PAX3: variants seen among roughly 807,000 people sequenced by gnomAD.
PAX3 encodes the protein paired box 3, also known as paired box protein Pax-3.
PAX3 carries 14 observed loss-of-function variants against 51.6 expected under a neutral mutation model. The ratio of observed to expected loss-of-function variants is 0.27; its 90% CI spans 0.18 to 0.42. The LOEUF is 0.42. PAX3 is among the 10% of genes least tolerant of loss of function. The pLI is 1.00. For synonymous variants in PAX3, 280 were observed against 253.4 expected (o/e 1.11, Z -1.00); for missense variants, 540 against 642.8 (o/e 0.84, Z 1.73).
At chr2:222,296,525 C>T (rs1400581847) in intron 2 of PAX3, among the ~76,000 whole-genome samples, 1 of 152,052 alleles carries the variant, frequency 6.6e-6, no homozygotes, top group Non-Finnish European at 1.5e-5. Context: ...AAACAATTTG[C>T]ACTGGGGGAG....
chr2:222,239,995 C>G (rs1692948556), intron 4 of PAX3, among the ~76,000 whole-genome samples: 1 of 152,174 alleles, frequency 6.6e-6, no homozygotes, highest in African/African-American at 2.4e-5. Context: ...CCCCTCCCTT[C>G]TGACCCAAGC....
intron 4 of PAX3, among the ~76,000 whole-genome samples, chr2:222,241,279 G>A (rs1693006595): frequency 6.6e-6 from 1 of 152,158 alleles, no homozygotes; most frequent in Admixed American, 6.5e-5. Context: ...GACCATATGT[G>A]CCACAATTGC....
intron 4 of PAX3, among the ~76,000 whole-genome samples, chr2:222,252,209 G>A (rs1427918744): frequency 6.6e-6 from 1 of 152,188 alleles, no homozygotes; most frequent in Admixed American, 6.5e-5. Context: ...GCAGAGCTGA[G>A]TAGTGTTAAC....
chr2:222,258,419 T>C (rs956696569), intron 4 of PAX3, among the ~76,000 whole-genome samples: 1 of 149,344 alleles, frequency 6.7e-6, no homozygotes, highest in Non-Finnish European at 1.5e-5. Flanking sequence ...GTAAACCTAA[T>C]AGGGTAATTT....
intron 7 of PAX3, among the ~76,000 whole-genome samples, chr2:222,209,890 C>CA (rs1487815175): frequency 5.3e-5 from 8 of 151,624 alleles, no homozygotes; most frequent in African/African-American, 1.2e-4. Context: ...CTCTCTGTCT[C>CA]AAAAAAAATT....
chr2:222,298,706 A>G lies in PAX3; in HGVS notation c.-91T>C, dbSNP rs1192421895. ...CGGATGACCCTCGGGAACTATCCGG[A>G]GCGTGGAGAGCCCCTCCCCAAAACG... On this transcript the variant is annotated 5_prime_UTR_variant, in exon 1 of 9. Transcript: ENST00000392070. 5.6e-6 allele frequency: 7 copies of G among 1,251,316 alleles called. No homozygotes were observed. Among genetic ancestry groups the G allele is most frequent in the African/African-American group, 1.5e-5 (1 of 67,194 alleles). The allele number at this position is 1,251,316 out of a possible 1,614,324, so 77.5% of individuals were successfully genotyped here.
chr2:222,284,513 C>A (rs1273225456), intron 4 of PAX3, among the ~76,000 whole-genome samples: 1 of 152,002 alleles, frequency 6.6e-6, no homozygotes, highest in Non-Finnish European at 1.5e-5. Context: ...TTTTTTATAC[C>A]CATTAAATCG....
chr2:222,215,324 A>G (rs2106060628), intron 7 of PAX3, among the ~76,000 whole-genome samples: 1 of 152,282 alleles, frequency 6.6e-6, no homozygotes, highest in Admixed American at 6.5e-5. Flanking sequence ...TTGAAGAATC[A>G]TTTGCAATGG....
intron 4 of PAX3, among the ~76,000 whole-genome samples, chr2:222,283,725 C>A (rs984697206): frequency 2.6e-5 from 4 of 152,194 alleles, no homozygotes; most frequent in Admixed American, 1.3e-4. Flanking sequence ...CACTGGGGGC[C>A]CGGCTGGCCA....
intron 4 of PAX3, among the ~76,000 whole-genome samples, chr2:222,254,531 C>A (rs1693563172): frequency 1.3e-5 from 2 of 152,216 alleles, no homozygotes; most frequent in Admixed American, 1.3e-4. Flanking sequence ...AGGCATCTGG[C>A]AGACCCATCT....
At chr2:222,231,653 G>C (rs974018418) in intron 5 of PAX3, among the ~76,000 whole-genome samples, 1 of 152,188 alleles carries the variant, frequency 6.6e-6, no homozygotes, top group African/African-American at 2.4e-5. Context: ...TACTTATATA[G>C]TCCAAGTCTC....
intron 4 of PAX3, among the ~76,000 whole-genome samples, chr2:222,281,253 G>A (rs1694635752): frequency 6.6e-6 from 1 of 152,202 alleles, no homozygotes; most frequent in African/African-American, 2.4e-5. Context: ...GTCTCAGAGG[G>A]TGTTTTAGAT....
intron 1 of PAX3, 165 bp downstream of exon 1, chr2:222,298,366 G>C: frequency 1.6e-6 from 1 of 629,380 alleles, no homozygotes; most frequent in Non-Finnish European, 2.8e-6. Flanking sequence ...TTGCAGAAAG[G>C]AAATCGAGTA....
At chr2:222,272,765 T>C (rs1267704376) in intron 4 of PAX3, among the ~76,000 whole-genome samples, 1 of 152,222 alleles carries the variant, frequency 6.6e-6, no homozygotes, top group Non-Finnish European at 1.5e-5. Context: ...TTGTCAGCAC[T>C]TGATTCCTTT....
intron 4 of PAX3, among the ~76,000 whole-genome samples, chr2:222,293,028 A>G (rs1574761448): frequency 6.6e-6 from 1 of 152,248 alleles, no homozygotes; most frequent in South Asian, 2.1e-4. Flanking sequence ...CAATGAAGAT[A>G]AAAGAAGTCC....
intron 7 of PAX3, among the ~76,000 whole-genome samples, chr2:222,205,081 A>G (rs1184630148): frequency 6.6e-6 from 1 of 152,190 alleles, no homozygotes; most frequent in Non-Finnish European, 1.5e-5. Context: ...TCCTTCCTAT[A>G]AGCAAAAATC....
intron 4 of PAX3, among the ~76,000 whole-genome samples, chr2:222,274,113 C>T (rs1319962312): frequency 6.6e-6 from 1 of 152,084 alleles, no homozygotes; most frequent in Non-Finnish European, 1.5e-5. Context: ...TCTGCAGCTC[C>T]CTCTCCTCTC....
At chr2:222,291,580 C>T (rs1414931941) in intron 4 of PAX3, among the ~76,000 whole-genome samples, 2 of 152,168 alleles carry the variant, frequency 1.3e-5, no homozygotes, top group Non-Finnish European at 2.9e-5. Context: ...GTCTGCCAAG[C>T]AGACCTCAGG....
At chr2:222,294,541 G>A (rs1225519496) in intron 3 of PAX3, among the ~76,000 whole-genome samples, 3 of 152,056 alleles carry the variant, frequency 2.0e-5, no homozygotes, top group Admixed American at 6.5e-5. Flanking sequence ...CGGAGGCTGG[G>A]AAAACCGTGC....
Sources: gnomAD v4.1 joint callset for allele counts (sites outside exome capture counted in the v4.1 genomes callset) on GRCh38, gnomAD v4.1.1 for gene constraint, MANE v1.5 for transcripts, NCBI Gene and HGNC (gene_info 2026-07-23, HGNC 2026-07-21) for gene names.